The following TNRC6C variants were observed in gnomAD, a reference collection of about 807,000 sequenced individuals.
The protein encoded by TNRC6C is trinucleotide repeat containing adaptor 6C, also known as trinucleotide repeat-containing gene 6C protein.
Under a neutral mutation model 153.7 loss-of-function variants are expected in TNRC6C, and 20 were observed. The observed-to-expected ratio is 0.13, with a 90% CI of 0.09 to 0.19. TNRC6C has a LOEUF of 0.19. Ranked by LOEUF, TNRC6C falls within the 10% of genes least tolerant of loss-of-function variation. The probability of loss-of-function intolerance (pLI) is 1.00; values close to 1 mark genes in which losing one functional copy is unlikely to be tolerated. For missense variants in TNRC6C, 1,987 were observed against 2,172.0 expected, an observed-to-expected ratio of 0.91 and a Z score of 1.69; for synonymous variants, 811 against 841.4, an observed-to-expected ratio of 0.96 and a Z score of 0.63.
rs182229147 is a variant in TNRC6C, at chr17:78,090,022, G to C, written c.3803-1418G>C. Among the ~76,000 whole-genome samples, 66 of 152,280 alleles carry C rather than the reference G, an allele frequency of 4.3e-4. No homozygotes were observed. The East Asian group carries it at 0.01, about 24-fold the overall frequency. ...CCTGACATTGTTGCCACCTTACCTG[G>C]CTAGATCTGTACAAGCTGAAACGAA... is the stretch of plus-strand genomic sequence containing the variant. On this transcript the variant is annotated intron_variant, in intron 13 of 19. Coordinates refer to ENST00000301624, the Ensembl canonical transcript of TNRC6C.
At chr17:78,062,461 TTAAC>T (rs1181114076) in intron 3 of TNRC6C, among the ~76,000 whole-genome samples, 3 of 152,214 alleles carry the variant, frequency 2.0e-5, no homozygotes, top group Non-Finnish European at 4.4e-5. Context: ...AAATTGATGG[TTAAC>T]TATTTGCATT....
chr17:78,103,530 C>A, exon 19 of TNRC6C: 6 of 1,614,000 alleles, frequency 3.7e-6, no homozygotes, highest in Non-Finnish European at 5.1e-6. Context: ...AGGAGGCTGC[C>A]AAGGCCCAGA....
At chr17:77,998,240 A>C (rs913441331) in intron 1 of TNRC6C, among the ~76,000 whole-genome samples, 1 of 152,120 alleles carries the variant, frequency 6.6e-6, no homozygotes, top group African/African-American at 2.4e-5. Flanking sequence ...CTGTTATATA[A>C]GTGGACCCTA....
At chr17:78,023,102 GCAACACA>G (rs2071867536) in intron 1 of TNRC6C, among the ~76,000 whole-genome samples, 1 of 152,036 alleles carries the variant, frequency 6.6e-6, no homozygotes, top group Admixed American at 6.6e-5. Context: ...CCCACCCTGG[GCAACACA>G]GTGAGACTCC....
Position 78,066,029 on chromosome 17 carries a change from G to A in TNRC6C, c.2611+1092G>A, listed in dbSNP as rs562666948. Reference sequence around the variant, plus strand: ...GTGGACCACCTGAGGTCAGGAGTTCGAAACCAGCCTGGCCAACAAGGTGAA... The same window carrying A: ...GTGGACCACCTGAGGTCAGGAGTTCAAAACCAGCCTGGCCAACAAGGTGAA... On this transcript the variant is annotated intron_variant, in intron 4 of 19. Coordinates refer to ENST00000301624, the Ensembl canonical transcript of TNRC6C. Among the ~76,000 whole-genome samples, 24 of 152,110 alleles carry A rather than the reference G, an allele frequency of 1.6e-4. No individual in the cohort carries two copies. The South Asian group carries it at 4.6e-3, about 29-fold the overall frequency.
chr17:78,107,347 C>T (rs2073718843), exon 20 of TNRC6C: 1 of 152,152 alleles, frequency 6.6e-6, no homozygotes, highest in Admixed American at 6.5e-5. Context: ...GTTCGTGGCT[C>T]TTAATGTTTT....
intron 11 of TNRC6C, among the ~76,000 whole-genome samples, chr17:78,086,302 C>T (rs2073282204): frequency 7.9e-6 from 1 of 126,934 alleles, no homozygotes; most frequent in African/African-American, 3.0e-5. Flanking sequence ...TACACTCCAG[C>T]CTGGATGACA....
At chr17:77,960,716 A>G (rs1315507480) in intron 1 of TNRC6C, among the ~76,000 whole-genome samples, 1 of 152,236 alleles carries the variant, frequency 6.6e-6, no homozygotes, top group South Asian at 2.1e-4. Context: ...ATTGTTCCAG[A>G]ACAGCAGAGG....
Position 78,030,561 on chromosome 17 carries a change from G to A in TNRC6C, c.-545-955G>A, listed in dbSNP as rs562317904. On this transcript the variant is annotated intron_variant, in intron 1 of 19. Transcript: ENST00000301624. ...TTTTTCAATTCCATTATAATCTTACGGAACCACTGTCATATATGAGTCAGT... is the reference window on the plus strand; with the variant it reads ...TTTTTCAATTCCATTATAATCTTACAGAACCACTGTCATATATGAGTCAGT... 9.9e-5 allele frequency among the ~76,000 whole-genome samples: 15 copies of A among 152,108 alleles called. No homozygotes were observed. The East Asian group carries it at 2.1e-3, about 22-fold the overall frequency.
At chr17:77,975,522 G>A (rs2070986537) in intron 1 of TNRC6C, among the ~76,000 whole-genome samples, 1 of 152,144 alleles carries the variant, frequency 6.6e-6, no homozygotes, top group Non-Finnish European at 1.5e-5. Context: ...GCCTATAAAG[G>A]CAGCTACACA....
chr17:77,970,511 A>G (rs2070932205), intron 1 of TNRC6C, among the ~76,000 whole-genome samples: 1 of 152,160 alleles, frequency 6.6e-6, no homozygotes, highest in South Asian at 2.1e-4. Flanking sequence ...TGATATCACA[A>G]CTTTCAGGAG....
In TNRC6C at chr17:78,100,420, C is replaced by T. The variant is rs561856324; in HGVS notation, c.4501+1883C>T. On this transcript the variant is annotated intron_variant, in intron 17 of 19. Coordinates refer to ENST00000301624, the Ensembl canonical transcript of TNRC6C. ...ACCTCAGTTCTTCACTTCTGTGCAC[C>T]CAGAGTCTCAACACCACGTGGAAGC... Among the ~76,000 whole-genome samples the T allele has an allele frequency of 6.6e-5, 10 of 152,340 alleles. 1 individual carries two copies. The highest frequency in any genetic ancestry group is 4.6e-4 in the Admixed American group (7 of 15,308).
At chr17:77,963,219 C>G (rs760866847) in intron 1 of TNRC6C, among the ~76,000 whole-genome samples, 1 of 152,152 alleles carries the variant, frequency 6.6e-6, no homozygotes, top group Non-Finnish European at 1.5e-5. Context: ...TCAGAAATAA[C>G]TATATAACCT....
chr17:78,001,186 A>C (rs1489483273), upstream of TNRC6C, among the ~76,000 whole-genome samples: 2 of 152,212 alleles, frequency 1.3e-5, no homozygotes, highest in African/African-American at 4.8e-5. Context: ...GGGAAAACCC[A>C]AGTTATTAAA....
intron 1 of TNRC6C, among the ~76,000 whole-genome samples, chr17:78,017,753 C>A (rs1012370162): frequency 6.6e-6 from 1 of 152,226 alleles, no homozygotes; most frequent in Non-Finnish European, 1.5e-5. Flanking sequence ...TCCTGTGAAA[C>A]AACCCTGCTA....
At chr17:78,089,264 G>A (rs554040446) in intron 13 of TNRC6C, among the ~76,000 whole-genome samples, 17 of 152,150 alleles carry the variant, frequency 1.1e-4, no homozygotes, top group Admixed American at 3.9e-4. Flanking sequence ...CACCGTGCCC[G>A]ACCACTTATC....
At chr17:77,978,419 A>T (rs1237625890) in intron 1 of TNRC6C, among the ~76,000 whole-genome samples, 1 of 152,180 alleles carries the variant, frequency 6.6e-6, no homozygotes, top group Non-Finnish European at 1.5e-5. Context: ...GCTAAGACAG[A>T]CTAGCCAGTG....
intron 5 of TNRC6C, among the ~76,000 whole-genome samples, chr17:78,070,031 G>A (rs2072962011): frequency 1.3e-5 from 2 of 152,182 alleles, no homozygotes; most frequent in African/African-American, 4.8e-5. Context: ...TGAATCGTGT[G>A]AATGTATTCA....
upstream of TNRC6C, among the ~76,000 whole-genome samples, chr17:77,999,773 C>T (rs1234417472): frequency 6.6e-6 from 1 of 152,194 alleles, no homozygotes; most frequent in Non-Finnish European, 1.5e-5. Context: ...CTTCCTCAGG[C>T]TGCTGGCTGA....
Sources: gnomAD v4.1 joint callset for allele counts (sites outside exome capture counted in the v4.1 genomes callset) on GRCh38, gnomAD v4.1.1 for gene constraint, MANE v1.5 for transcripts, NCBI Gene and HGNC (gene_info 2026-07-23, HGNC 2026-07-21) for gene names.